Variants in GSE1 observed in about 807,000 individuals in gnomAD.
The protein encoded by GSE1 is Gse1 coiled-coil protein, also known as genetic suppressor element 1.
Under a neutral mutation model 112.6 loss-of-function variants are expected in GSE1, and 32 were observed. That is an observed-to-expected ratio of 0.28 (90% CI 0.21 to 0.38). GSE1 has a LOEUF of 0.38. Among genes scored for constraint, GSE1 ranks in the 10% least tolerant of loss-of-function variants. The pLI is 1.00. For missense variants in GSE1, 2,348 were observed against 1,699.2 expected, an observed-to-expected ratio of 1.38 and a Z score of -6.71; for synonymous variants, 1,115 against 735.6, an observed-to-expected ratio of 1.52 and a Z score of -8.35.
intron 2 of GSE1, among the ~76,000 whole-genome samples, chr16:85,358,110 C>A (rs886904876): frequency 6.6e-6 from 1 of 152,136 alleles, no homozygotes; most frequent in East Asian, 1.9e-4. Context: ...CCGTCCTCCC[C>A]CTCCCACTCC....
chr16:85,470,667 G>A (rs371561001), intron 2 of GSE1, among the ~76,000 whole-genome samples: 1 of 152,192 alleles, frequency 6.6e-6, no homozygotes, highest in Non-Finnish European at 1.5e-5. Flanking sequence ...GCACCTTGTG[G>A]GTCTCCTCCA....
At chr16:85,423,657 G>A (rs2048902822) in intron 2 of GSE1, among the ~76,000 whole-genome samples, 1 of 152,150 alleles carries the variant, frequency 6.6e-6, no homozygotes, top group African/African-American at 2.4e-5. Context: ...TGGGTGGGGT[G>A]TGGCCTGGTG....
In GSE1 at chr16:85,311,640, C is replaced by G. The variant is rs2045851445; in HGVS notation, c.2284-45823C>G. ...CCCTGGGGGTCCTTCTCCAGGGCCCCTTGGGCTGTGTACCTGGGCCTGGTG... is the reference window on the plus strand; with the variant it reads ...CCCTGGGGGTCCTTCTCCAGGGCCCGTTGGGCTGTGTACCTGGGCCTGGTG... On this transcript the variant is annotated intron_variant, in intron 1 of 2. Coordinates refer to the GSE1 transcript ENST00000637419. This position sits in a 1 kb window ranked among gnomAD's most constrained non-coding sequence, Gnocchi z 4.2. Among the ~76,000 whole-genome samples the G allele has an allele frequency of 6.6e-6, 1 of 152,154 alleles. No individual in the cohort carries two copies. The highest frequency in any genetic ancestry group is 2.1e-4 in the South Asian group (1 of 4,826).
rs1205116498 is a variant in GSE1 at position 85,246,237 on chromosome 16, ACG to A, written c.2283+74432_2283+74433del. ...CACACACACACACACACACACACAC[ACG>A]CACACCACACGCTGTCTACACACAC... is the stretch of plus-strand genomic sequence containing the variant. On this transcript the variant is annotated intron_variant, in intron 1 of 2. Transcript: ENST00000637419. Among the ~76,000 whole-genome samples the A allele has an allele frequency of 2.7e-3, 291 of 108,342 alleles. 2 individuals are homozygous for A. Among genetic ancestry groups the A allele is most frequent in the African/African-American group, 7.8e-3 (227 of 29,058 alleles). 71.1% of individuals were successfully genotyped at this position (108,342 alleles called of 152,430 possible).
chr16:85,429,213 C>G lies in GSE1; in HGVS notation c.2464+71570C>G, dbSNP rs547479288. On this transcript the variant is annotated intron_variant, in intron 2 of 2. Transcript: ENST00000637419. ...CCTTCTCAGGACACACAGCCCCCGC[C>G]CAGGACCTGTGTCCGGAGCACCCCC... Among the ~76,000 whole-genome samples the G allele has an allele frequency of 1.2e-4, 19 of 152,326 alleles. No individual in the cohort carries two copies. The South Asian group carries it at 3.7e-3, about 30-fold the overall frequency.
intron 2 of GSE1, among the ~76,000 whole-genome samples, chr16:85,476,766 G>T (rs939307660): frequency 6.9e-6 from 1 of 145,854 alleles, no homozygotes; most frequent in Non-Finnish European, 1.5e-5. Context: ...GCACCACCAC[G>T]CCTGACCATT....
exon 1 of GSE1, chr16:85,171,590 A>T (rs1165818142): frequency 2.0e-6 from 2 of 985,478 alleles, no homozygotes; most frequent in Non-Finnish European, 2.4e-6. Context: ...TTTTGTCAGC[A>T]GGAGAAGAAA....
intron 1 of GSE1, among the ~76,000 whole-genome samples, chr16:85,218,741 G>T (rs1481024160): frequency 6.6e-6 from 1 of 152,242 alleles, no homozygotes; most frequent in African/African-American, 2.4e-5. Context: ...TGTGCGTCCA[G>T]CTGGTCTTGC....
intron 2 of GSE1, among the ~76,000 whole-genome samples, chr16:85,644,002 T>G (rs931865281): frequency 2.0e-5 from 3 of 152,036 alleles, no homozygotes; most frequent in African/African-American, 2.4e-5. Flanking sequence ...CACCCTGGGT[T>G]TGGGCCGGGT....
At chr16:85,511,735 G>A (rs1454738522) in intron 2 of GSE1, among the ~76,000 whole-genome samples, 1 of 152,122 alleles carries the variant, frequency 6.6e-6, no homozygotes, top group Non-Finnish European at 1.5e-5. Context: ...TTTGAGACAC[G>A]CAGGGGCTGG....
intron 1 of GSE1, among the ~76,000 whole-genome samples, chr16:85,234,954 G>A (rs1343365156): frequency 6.6e-6 from 1 of 152,080 alleles, no homozygotes; most frequent in Admixed American, 6.5e-5. Flanking sequence ...GGGCCCCGCC[G>A]GAGACCCGGA....
intron 2 of GSE1, among the ~76,000 whole-genome samples, chr16:85,636,093 CAG>C (rs2049973035): frequency 6.6e-6 from 1 of 152,268 alleles, no homozygotes; most frequent in Admixed American, 6.5e-5. Flanking sequence ...GGCGGGAGGC[CAG>C]ACACCATGGC....
chr16:85,352,092 T>G, intron 1 of GSE1, among the ~76,000 whole-genome samples: 1 of 152,198 alleles, frequency 6.6e-6, no homozygotes, highest in East Asian at 1.9e-4. Flanking sequence ...TGACCACACG[T>G]GTGTGCATGC....
chr16:85,430,572 A>T (rs2151759141), intron 2 of GSE1, among the ~76,000 whole-genome samples: 2 of 152,292 alleles, frequency 1.3e-5, no homozygotes, highest in African/African-American at 4.8e-5. Flanking sequence ...GTGAGCATGG[A>T]GCCACACAGC....
intron 1 of GSE1, among the ~76,000 whole-genome samples, chr16:85,564,160 T>A (rs558722759): frequency 6.6e-6 from 1 of 152,128 alleles, no homozygotes; most frequent in Non-Finnish European, 1.5e-5. Flanking sequence ...CTTAGAAGCA[T>A]CCTGGCAGAG....
chr16:85,446,568 G>A (rs66727277), intron 2 of GSE1, among the ~76,000 whole-genome samples: 45,527 of 152,094 alleles, frequency 0.3, 7,567 homozygotes, highest in South Asian at 0.41. Context: ...GTGGAAGGAC[G>A]GCAGCAGGAG....
chr16:85,501,408 T>A (rs7186794), intron 2 of GSE1, among the ~76,000 whole-genome samples: 5,112 of 147,402 alleles, frequency 0.035, 239 homozygotes, highest in African/African-American at 0.12. Flanking sequence ...TTTTTTTTTT[T>A]AGGGGATGGA....
At chr16:85,236,442 C>T (rs1477887398) in intron 1 of GSE1, among the ~76,000 whole-genome samples, 1 of 152,222 alleles carries the variant, frequency 6.6e-6, no homozygotes, top group African/African-American at 2.4e-5. Flanking sequence ...GACTTGGGGT[C>T]CCACTGGGGG....
upstream of GSE1, among the ~76,000 whole-genome samples, chr16:85,553,001 A>T (rs557300897): frequency 3.9e-5 from 6 of 152,364 alleles, no homozygotes; most frequent in South Asian, 2.1e-4. Flanking sequence ...AACCAATATA[A>T]GAATGACAAC....
Sources: allele counts gnomAD v4.1 joint callset (sites outside exome capture counted in the v4.1 genomes callset), GRCh38; gene constraint gnomAD v4.1.1; non-coding constraint Gnocchi (gnomAD v3.1); transcripts MANE v1.5; gene names NCBI Gene and HGNC (gene_info 2026-07-23, HGNC 2026-07-21).